Variants in FIG4 observed in about 807,000 individuals in gnomAD.
The protein encoded by FIG4 is polyphosphoinositide phosphatase.
FIG4 carries 112 observed loss-of-function variants against 118.6 expected under a neutral mutation model. The ratio of observed to expected loss-of-function variants is 0.94; its 90% CI spans 0.81 to 1.11. The LOEUF (loss-of-function observed/expected upper bound fraction) is 1.11, where lower values mean the gene tolerates loss of function less well. Ranked by LOEUF, FIG4 falls within the 50% of genes least tolerant of loss-of-function variation. FIG4 has a pLI of 0.00. For synonymous variants in FIG4, 369 were observed against 381.2 expected (o/e 0.97, Z 0.37); for missense variants, 969 against 1,111.7 (o/e 0.87, Z 1.83).
chr6:109,750,469 C>T (rs911457567), intron 10 of FIG4, among the ~76,000 whole-genome samples: 19 of 151,844 alleles, frequency 1.3e-4, no homozygotes, highest in African/African-American at 4.6e-4. Flanking sequence ...ACAGTCTCTA[C>T]AAAATTTTTT....
At chr6:109,748,448 G>A (rs773443611) in intron 10 of FIG4, among the ~76,000 whole-genome samples, 1 of 152,060 alleles carries the variant, frequency 6.6e-6, no homozygotes, top group Non-Finnish European at 1.5e-5. Flanking sequence ...CAGTCCTCAC[G>A]AGGTGGGGTA....
At chr6:109,786,008 G>T (rs760351268) in intron 17 of FIG4, 99 of 392,542 alleles carry the variant, frequency 2.5e-4, no homozygotes, top group Non-Finnish European at 4.1e-4. Context: ...TTATTTAAGA[G>T]CAAAAAGGAA....
Position 109,825,372 on chromosome 6 carries a change from T to C in FIG4, c.*107T>C. On this transcript the variant is annotated 3_prime_UTR_variant, in exon 23 of 23. Transcript: ENST00000230124. Reference sequence around the variant, plus strand: ...AAGTCCTTTGCGTCTGAAGCCTTTCTCCTTTTCTGTCACTTGCAAATTCCA... The same window carrying C: ...AAGTCCTTTGCGTCTGAAGCCTTTCCCCTTTTCTGTCACTTGCAAATTCCA... The C allele has an allele frequency of 3.9e-6, 4 of 1,020,096 alleles. No individual in the cohort carries two copies. The South Asian group carries it at 4.1e-5, about 10-fold the overall frequency. The allele number at this position is 1,020,096 out of a possible 1,614,324, so 63.2% of individuals were successfully genotyped here.
Position 109,727,049 on chromosome 6 carries a change from G to A in FIG4, c.290-60G>A, listed in dbSNP as rs920987244. 8 of 1,237,232 alleles carry A rather than the reference G, an allele frequency of 6.5e-6. No individual in the cohort carries two copies. In the Admixed American group the frequency reaches 8.5e-5, roughly 13 times the overall value. 76.6% of individuals were successfully genotyped at this position (1,237,232 alleles called of 1,614,324 possible). A position where few individuals can be genotyped will look rare whatever the true frequency, so the allele number is the denominator to read the frequency against. On this transcript the variant is annotated intron_variant, in intron 3 of 22. Transcript: ENST00000230124. ...CAAAGGTCTTTGGCCTTTTAAATAG[G>A]CATCTAAAAGCCATTACTAAGTTTA...
intron 21 of FIG4, among the ~76,000 whole-genome samples, chr6:109,796,350 C>T (rs527285363): frequency 8.2e-4 from 125 of 152,292 alleles, no homozygotes; most frequent in Non-Finnish European, 1.3e-3. Context: ...CGTCACTTGT[C>T]TCACTGCCAG....
chr6:109,784,131 C>G (rs140353588), intron 16 of FIG4, among the ~76,000 whole-genome samples: 119 of 152,140 alleles, frequency 7.8e-4, no homozygotes, highest in African/African-American at 2.7e-3. Context: ...TGGCTATAGG[C>G]TCTTTTTTTA....
At chr6:109,745,101 T>A (rs560961276) in intron 10 of FIG4, among the ~76,000 whole-genome samples, 1 of 152,304 alleles carries the variant, frequency 6.6e-6, no homozygotes, top group African/African-American at 2.4e-5. Flanking sequence ...GCAATAAACA[T>A]ATATGTGCAT....
intron 15 of FIG4, among the ~76,000 whole-genome samples, chr6:109,770,433 C>T (rs1390238336): frequency 1.3e-5 from 2 of 152,178 alleles, no homozygotes; most frequent in East Asian, 3.9e-4. Flanking sequence ...TGTGTGTATG[C>T]ATGCATGGAG....
At chr6:109,707,342 C>T (rs1339653704) in intron 1 of FIG4, among the ~76,000 whole-genome samples, 3 of 118,534 alleles carry the variant, frequency 2.5e-5, no homozygotes, top group South Asian at 5.2e-4. Context: ...TATATATATA[C>T]ATATATACAT....
intron 15 of FIG4, among the ~76,000 whole-genome samples, chr6:109,774,392 C>T (rs1777557237): frequency 6.6e-6 from 1 of 152,092 alleles, no homozygotes; most frequent in Admixed American, 6.5e-5. Context: ...TTGCTTTGTG[C>T]ATTTAGAGTT....
intron 7 of FIG4, among the ~76,000 whole-genome samples, 191 bp downstream of exon 7, chr6:109,738,644 C>T (rs1776233566): frequency 6.6e-6 from 1 of 152,030 alleles, no homozygotes; most frequent in Non-Finnish European, 1.5e-5. Context: ...GTTATATACA[C>T]ATAAAGATGA....
chr6:109,714,129 A>C (rs1352609398), intron 1 of FIG4, among the ~76,000 whole-genome samples: 1 of 152,118 alleles, frequency 6.6e-6, no homozygotes, highest in Non-Finnish European at 1.5e-5. Flanking sequence ...CTTCCTGCCA[A>C]CTCGAGTGTC....
intron 1 of FIG4, among the ~76,000 whole-genome samples, chr6:109,701,200 G>A (rs978889138): frequency 2.0e-5 from 3 of 152,220 alleles, no homozygotes; most frequent in Admixed American, 2.0e-4. Context: ...TCTAGCTTGT[G>A]AGGGTTGGCC....
chr6:109,782,914 A>G (rs1777847369), intron 16 of FIG4, among the ~76,000 whole-genome samples: 1 of 152,198 alleles, frequency 6.6e-6, no homozygotes, highest in Non-Finnish European at 1.5e-5. Context: ...TGGGATCAAC[A>G]TCACTTACAT....
chr6:109,779,202 T>C (rs562559862), intron 16 of FIG4, among the ~76,000 whole-genome samples: 7 of 152,264 alleles, frequency 4.6e-5, no homozygotes, highest in Admixed American at 3.9e-4. Flanking sequence ...TAGGTAAATA[T>C]GGTTGATTTT....
chr6:109,707,269 G>GTA (rs1418409957), intron 1 of FIG4, among the ~76,000 whole-genome samples: 7 of 139,542 alleles, frequency 5.0e-5, no homozygotes, highest in African/African-American at 2.1e-4. Context: ...AAACTGATGT[G>GTA]TGTGTGTGTG....
In FIG4 at chr6:109,779,495, C is replaced by G. The variant is rs1777730211; in HGVS notation, c.1889+2435C>G. Among the ~76,000 whole-genome samples, 3 of 152,278 alleles carry G rather than the reference C, an allele frequency of 2.0e-5. No homozygotes were observed. The South Asian group carries it at 6.2e-4, about 32-fold the overall frequency. On this transcript the variant is annotated intron_variant, in intron 16 of 22. Coordinates refer to ENST00000230124, the MANE Select transcript of FIG4 (RefSeq NM_014845.6). ...TTAGATGATTCAGTGAGAATCAGCTCTAAGCCTACCACTGAAAATAAAATT... is the reference window on the plus strand; with the variant it reads ...TTAGATGATTCAGTGAGAATCAGCTGTAAGCCTACCACTGAAAATAAAATT...
At chr6:109,698,074 G>A (rs2128377715) in intron 1 of FIG4, among the ~76,000 whole-genome samples, 1 of 152,100 alleles carries the variant, frequency 6.6e-6, no homozygotes, top group South Asian at 2.1e-4. Context: ...ATTTTTAGTA[G>A]AGACGGGGTT....
intron 10 of FIG4, among the ~76,000 whole-genome samples, chr6:109,749,756 A>G (rs927087841): frequency 1.5e-4 from 23 of 152,150 alleles, no homozygotes; most frequent in Non-Finnish European, 3.4e-4. Flanking sequence ...TGTGATCATA[A>G]TGTATTCTTT....
Sources: gnomAD v4.1 joint callset for allele counts (sites outside exome capture counted in the v4.1 genomes callset) on GRCh38, gnomAD v4.1.1 for gene constraint, MANE v1.5 for transcripts, NCBI Gene and HGNC (gene_info 2026-07-23, HGNC 2026-07-21) for gene names.